RUFY4: variants seen among roughly 807,000 people sequenced by gnomAD.
RUFY4 encodes RUN and FYVE domain containing 4.
Under a neutral mutation model 69.0 loss-of-function variants are expected in RUFY4, and 73 were observed. The ratio of observed to expected loss-of-function variants is 1.06; its 90% CI spans 0.88 to 1.29. The LOEUF is 1.29. Ranked by LOEUF, RUFY4 falls within the 50% of genes most tolerant of loss-of-function variation. RUFY4 has a pLI of 0.00. For synonymous variants in RUFY4, 287 were observed against 271.8 expected (o/e 1.06, Z -0.55); for missense variants, 770 against 705.6 (o/e 1.09, Z -1.03).
upstream of RUFY4, chr2:218,068,485 G>A (rs1336503290): frequency 6.5e-6 from 1 of 153,478 alleles, no homozygotes; most frequent in African/African-American, 2.4e-5. Context: ...AGGGACGGAG[G>A]AGAGGGCAGA....
chr2:218,065,537 G>A (rs1212679371), upstream of RUFY4: 3 of 152,374 alleles, frequency 2.0e-5, no homozygotes, highest in East Asian at 5.8e-4. Context: ...ACTGAATGAG[G>A]TGGGTGTCTG....
At chr2:218,051,331 T>C (rs368099448) in intron 2 of RUFY4, among the ~76,000 whole-genome samples, 1 of 152,158 alleles carries the variant, frequency 6.6e-6, no homozygotes, top group East Asian at 1.9e-4. Flanking sequence ...TTAAGTACTA[T>C]AAAACATATA....
At chr2:218,049,483 G>A (rs1688897048) in intron 2 of RUFY4, among the ~76,000 whole-genome samples, 1 of 149,568 alleles carries the variant, frequency 6.7e-6, no homozygotes, top group African/African-American at 2.5e-5. Context: ...ATATTTAATT[G>A]ACTTCTTTTT....
intron 8 of RUFY4, among the ~76,000 whole-genome samples, chr2:218,077,255 G>C (rs1215949378): frequency 6.6e-6 from 1 of 152,170 alleles, no homozygotes; most frequent in African/African-American, 2.4e-5. Context: ...CCTGCTCAGT[G>C]TCTCTCACCA....
intron 3 of RUFY4, chr2:218,059,551 C>T (rs1338181556): frequency 1.2e-5 from 2 of 166,958 alleles, no homozygotes; most frequent in African/African-American, 4.8e-5. Flanking sequence ...GCTTATTTCA[C>T]TTAGCATGAA....
Position 218,060,560 on chromosome 2 carries a change from G to A in RUFY4, c.-1071+1879G>A, listed in dbSNP as rs3181380. On this transcript the variant is annotated intron_variant and NMD_transcript_variant, in intron 3 of 13. Coordinates refer to the RUFY4 transcript ENST00000457754. ...AGGGCCTGGTTGATGTCGTTGCGGC[G>A]CTCACAGGTCTCATTGGTCATCTGG... 0.026 allele frequency: 33,505 copies of A among 1,304,744 alleles called. 4,403 individuals are homozygous for A. The African/African-American group carries it at 0.34, about 13-fold the overall frequency. 80.8% of individuals were successfully genotyped at this position (1,304,744 alleles called of 1,614,324 possible). A position where few individuals can be genotyped will look rare whatever the true frequency, so the allele number is the denominator to read the frequency against.
chr2:218,036,394 T>A (rs1958978599), intron 2 of RUFY4, among the ~76,000 whole-genome samples: 1 of 152,126 alleles, frequency 6.6e-6, no homozygotes, highest in African/African-American at 2.4e-5. Context: ...ACAGTCCAAG[T>A]CACAAGGAAT....
intron 2 of RUFY4, among the ~76,000 whole-genome samples, chr2:218,056,378 A>T (rs116627721): frequency 1.3e-5 from 2 of 152,110 alleles, no homozygotes; most frequent in South Asian, 4.2e-4. Context: ...ATAGAACTTG[A>T]TGCTAAACTC....
At chr2:218,066,177 C>CTTTTTTTTTTTTTT (rs58665951), upstream of RUFY4, among the ~76,000 whole-genome samples, 3 of 74,456 alleles carry the variant, frequency 4.0e-5, no homozygotes, top group South Asian at 5.0e-4. Flanking sequence ...CTTTTCTTTT[C>CTTTTTTTTTTTTTT]TTTTTTTTTT....
upstream of RUFY4, chr2:218,069,404 G>A (rs970577576): frequency 8.5e-5 from 13 of 152,138 alleles, no homozygotes; most frequent in Non-Finnish European, 1.5e-4. Context: ...GTGATGCCAG[G>A]AGCCAGGGGA....
chr2:218,070,211 A>T (rs1015615340), upstream of RUFY4: 3 of 274,654 alleles, frequency 1.1e-5, no homozygotes, highest in African/African-American at 6.5e-5. Context: ...GTGGGCACAG[A>T]CACCTGAGTT....
chr2:218,050,903 T>A (rs923992040), intron 2 of RUFY4, among the ~76,000 whole-genome samples: 1 of 152,232 alleles, frequency 6.6e-6, no homozygotes, highest in Non-Finnish European at 1.5e-5. Context: ...TAGGTAAAAT[T>A]ATTGTAAATA....
At chr2:218,046,145 T>C (rs1356084578) in intron 2 of RUFY4, among the ~76,000 whole-genome samples, 1 of 152,000 alleles carries the variant, frequency 6.6e-6, no homozygotes, top group Admixed American at 6.5e-5. Context: ...AGTGATCAGA[T>C]CAGGGTAATT....
At chr2:218,060,864 G>A (rs772611053) in intron 3 of RUFY4, 1 of 1,459,124 alleles carries the variant, frequency 6.9e-7, no homozygotes, top group South Asian at 1.1e-5. Context: ...TGGGTAGAAG[G>A]TCCTTCGGAA....
chr2:218,076,388 TCTC>T (rs1259527646), intron 7 of RUFY4, 36 bp from the exon 10 acceptor site: 17 of 1,544,530 alleles, frequency 1.1e-5, no homozygotes, highest in Non-Finnish European at 1.2e-5. Context: ...TCTCTGCCCT[TCTC>T]CTTCAGCCTC....
intron 8 of RUFY4, among the ~76,000 whole-genome samples, chr2:218,081,244 C>T (rs917445968): frequency 6.6e-6 from 1 of 152,198 alleles, no homozygotes; most frequent in African/African-American, 2.4e-5. Flanking sequence ...TCCCTGCCCC[C>T]CACTGCCCTT....
intron 9 of RUFY4, among the ~76,000 whole-genome samples, chr2:218,084,574 A>G (rs1210799899): frequency 6.6e-6 from 1 of 152,200 alleles, no homozygotes; most frequent in Non-Finnish European, 1.5e-5. Context: ...GGTGAGAAAA[A>G]GGAGACATCA....
intron 2 of RUFY4, 98 bp from the exon 5 acceptor site, chr2:218,072,276 C>T: frequency 7.2e-7 from 1 of 1,396,886 alleles, no homozygotes; most frequent in Non-Finnish European, 9.6e-7. Context: ...TCTGCAGGAG[C>T]CCTCTCCTCC....
chr2:218,083,299 C>G (rs1013701700), intron 9 of RUFY4, 43 bp downstream of exon 11: 1 of 1,541,506 alleles, frequency 6.5e-7, no homozygotes, highest in Non-Finnish European at 8.8e-7. Flanking sequence ...GATGGGGGAA[C>G]GGTAAGGGAT....
Sources: allele counts gnomAD v4.1 joint callset (sites outside exome capture counted in the v4.1 genomes callset), GRCh38; gene constraint gnomAD v4.1.1; transcripts MANE v1.5; gene names NCBI Gene and HGNC (gene_info 2026-07-23, HGNC 2026-07-21).